SGCZ: variants seen among roughly 807,000 people sequenced by gnomAD.
SGCZ encodes the protein zeta-sarcoglycan.
In SGCZ, 40 loss-of-function variants were observed where a neutral mutation model predicts 41.3. The observed-to-expected ratio is 0.97, with a 90% CI of 0.75 to 1.26. SGCZ has a LOEUF of 1.26. Among genes scored for constraint, SGCZ ranks in the 50% most tolerant of loss-of-function variants. The pLI, the probability that SGCZ is intolerant of heterozygous loss-of-function variation, is 0.00. For missense variants in SGCZ, 552 were observed against 369.8 expected, an observed-to-expected ratio of 1.49 and a Z score of -4.04; for synonymous variants, 206 against 137.5, an observed-to-expected ratio of 1.50 and a Z score of -3.49.
chr8:14,675,020 G>A (rs1318844218), intron 1 of SGCZ, among the ~76,000 whole-genome samples: 1 of 129,100 alleles, frequency 7.7e-6, no homozygotes, highest in Admixed American at 9.9e-5. Flanking sequence ...CTCACTGCAA[G>A]CTCTGCCTCC....
intron 2 of SGCZ, among the ~76,000 whole-genome samples, chr8:14,493,359 C>CATTTTTTTTT: frequency 2.3e-5 from 1 of 44,268 alleles, no homozygotes; most frequent in Middle Eastern, 0.022. Flanking sequence ...ATCATCCTTT[C>CATTTTTTTTT]TTTTTTTTTT....
chr8:15,175,430 C>T (rs1330359067), intron 1 of SGCZ, among the ~76,000 whole-genome samples: 1 of 151,896 alleles, frequency 6.6e-6, no homozygotes, highest in Non-Finnish European at 1.5e-5. Flanking sequence ...CAAGCTAACA[C>T]AGGAATAGAA....
chr8:15,147,464 G>T (rs775198978), intron 1 of SGCZ, among the ~76,000 whole-genome samples: 1 of 152,110 alleles, frequency 6.6e-6, no homozygotes, highest in Non-Finnish European at 1.5e-5. Flanking sequence ...TTTTAGTGGA[G>T]ACGGGGATTC....
At chr8:15,197,484 G>A (rs1800766974) in intron 1 of SGCZ, among the ~76,000 whole-genome samples, 1 of 152,162 alleles carries the variant, frequency 6.6e-6, no homozygotes, top group Non-Finnish European at 1.5e-5. Flanking sequence ...GGTGTAGGAA[G>A]CACTGGTATC....
chr8:14,289,288 CT>C (rs1219104831), intron 3 of SGCZ, among the ~76,000 whole-genome samples: 1 of 150,908 alleles, frequency 6.6e-6, no homozygotes, highest in Non-Finnish European at 1.5e-5. Flanking sequence ...TATAATTTAT[CT>C]GTTATTTCTC....
At chr8:15,213,404 A>T (rs1371549920) in intron 1 of SGCZ, among the ~76,000 whole-genome samples, 1 of 151,824 alleles carries the variant, frequency 6.6e-6, no homozygotes, top group Non-Finnish European at 1.5e-5. Context: ...GAAAAAATTC[A>T]ATGTTTCTAT....
intron 1 of SGCZ, among the ~76,000 whole-genome samples, chr8:15,155,810 C>G (rs1799313561): frequency 6.6e-6 from 1 of 152,074 alleles, no homozygotes; most frequent in Admixed American, 6.6e-5. Context: ...GTTATCCTAG[C>G]ACTTTGGGAG....
intron 1 of SGCZ, among the ~76,000 whole-genome samples, chr8:15,191,227 T>C (rs1408904992): frequency 6.6e-6 from 1 of 152,104 alleles, no homozygotes; most frequent in East Asian, 1.9e-4. Flanking sequence ...CTAAACTTAA[T>C]TACATATATT....
chr8:14,262,976 C>A (rs1799726713), intron 3 of SGCZ, among the ~76,000 whole-genome samples: 3 of 152,102 alleles, frequency 2.0e-5, no homozygotes, highest in Non-Finnish European at 4.4e-5. Flanking sequence ...GAACACTTGC[C>A]TGCATTTGTA....
intron 7 of SGCZ, among the ~76,000 whole-genome samples, chr8:14,092,445 A>T (rs1489827867): frequency 1.3e-5 from 2 of 151,954 alleles, no homozygotes; most frequent in African/African-American, 4.8e-5. Context: ...TACTCATAAA[A>T]GTGTGTGGAC....
At chr8:14,790,024 T>C (rs1309600061) in intron 1 of SGCZ, among the ~76,000 whole-genome samples, 2 of 152,186 alleles carry the variant, frequency 1.3e-5, no homozygotes, top group African/African-American at 4.8e-5. Context: ...TAAATGTAAA[T>C]TGAATACTTA....
At chr8:15,192,289 T>G (rs1433007298) in intron 1 of SGCZ, among the ~76,000 whole-genome samples, 3 of 152,068 alleles carry the variant, frequency 2.0e-5, no homozygotes, top group Non-Finnish European at 4.4e-5. Flanking sequence ...TTTAGCTACT[T>G]CGGAACATTG....
At position 14,401,234 on chromosome 8, in the gene SGCZ, A is replaced by G. The variant is rs527471614; in HGVS notation, c.235-77030T>C. ...TCAATAAAACACATAGGTCATAATC[A>G]ATACTTAACTCAAATATACATACAT... On this transcript the variant is annotated intron_variant, in intron 2 of 7. Coordinates refer to ENST00000382080, the MANE Select transcript of SGCZ (RefSeq NM_139167.4). Among the ~76,000 whole-genome samples the G allele has an allele frequency of 2.4e-4, 37 of 152,250 alleles. No individual in the cohort carries two copies. In the East Asian group the frequency reaches 6.7e-3, roughly 28 times the overall value.
chr8:15,095,390 C>T (rs2131070232), intron 1 of SGCZ, among the ~76,000 whole-genome samples: 2 of 152,220 alleles, frequency 1.3e-5, no homozygotes, highest in Admixed American at 6.5e-5. Context: ...TGAGCCACTG[C>T]GCCCAGCCAA....
At chr8:14,951,481 G>T (rs1204420643) in intron 1 of SGCZ, among the ~76,000 whole-genome samples, 1 of 151,842 alleles carries the variant, frequency 6.6e-6, no homozygotes, top group Non-Finnish European at 1.5e-5. Context: ...GGGATTATAT[G>T]GTGAGATAAT....
At chr8:14,611,192 T>C (rs1259917320) in intron 1 of SGCZ, among the ~76,000 whole-genome samples, 1 of 152,206 alleles carries the variant, frequency 6.6e-6, no homozygotes, top group East Asian at 1.9e-4. Context: ...CTTACTTTGC[T>C]CTTCCTCAAC....
At position 14,436,049 on chromosome 8, in the gene SGCZ, C is replaced by T. The variant is rs145155000; in HGVS notation, c.235-111845G>A. Among the ~76,000 whole-genome samples the T allele has an allele frequency of 2.2e-3, 336 of 152,280 alleles. 2 individuals carry two copies. The highest frequency in any genetic ancestry group is 0.014 in the Middle Eastern group (4 of 294). On this transcript the variant is annotated intron_variant, in intron 2 of 7. Transcript: ENST00000382080. Reference sequence around the variant, plus strand: ...AGGTATTATTTCTCCTAACCCTGACCTATAGCCATGATGAGAGATGTGGCG... The same window carrying T: ...AGGTATTATTTCTCCTAACCCTGACTTATAGCCATGATGAGAGATGTGGCG...
chr8:14,761,534 T>A (rs1240977360), intron 1 of SGCZ, among the ~76,000 whole-genome samples: 3 of 140,166 alleles, frequency 2.1e-5, no homozygotes, highest in South Asian at 4.7e-4. Context: ...TTTATTTATT[T>A]ATTTATTTTT....
chr8:14,340,254 T>C (rs1802655181), intron 2 of SGCZ, among the ~76,000 whole-genome samples: 1 of 152,130 alleles, frequency 6.6e-6, no homozygotes, highest in Non-Finnish European at 1.5e-5. Context: ...TCTTATACTT[T>C]CAAAAAGCCA....
Sources: allele counts gnomAD v4.1 joint callset (sites outside exome capture counted in the v4.1 genomes callset), GRCh38; gene constraint gnomAD v4.1.1; transcripts MANE v1.5; gene names NCBI Gene and HGNC (gene_info 2026-07-23, HGNC 2026-07-21).